CALN1: variants seen among roughly 807,000 people sequenced by gnomAD.
CALN1 encodes calcium-binding protein 8.
A neutral mutation model predicts 30.6 loss-of-function variants in CALN1; 17 were observed. The ratio of observed to expected loss-of-function variants is 0.56; its 90% confidence interval spans 0.38 to 0.83. The LOEUF is 0.83. Ranked by LOEUF, CALN1 falls within the 40% of genes least tolerant of loss-of-function variation. The probability of loss-of-function intolerance (pLI) is 0.00; values close to 1 mark genes in which losing one functional copy is unlikely to be tolerated. For synonymous variants in CALN1, 156 were observed against 131.4 expected (o/e 1.19, Z -1.28); for missense variants, 291 against 354.9 (o/e 0.82, Z 1.45).
intron 1 of CALN1, among the ~76,000 whole-genome samples, chr7:72,417,471 T>G (rs1282027998): frequency 6.6e-6 from 1 of 152,160 alleles, no homozygotes; most frequent in Non-Finnish European, 1.5e-5. Flanking sequence ...AAGCCTGGGG[T>G]GGCTTTCTAC....
At chr7:71,800,548 G>A (rs1245262330) in intron 6 of CALN1, among the ~76,000 whole-genome samples, 1 of 152,152 alleles carries the variant, frequency 6.6e-6, no homozygotes. Flanking sequence ...ATTCCATTTA[G>A]GGACAACACT....
chr7:72,201,506 G>T (rs10238798), intron 3 of CALN1, among the ~76,000 whole-genome samples: 1 of 151,732 alleles, frequency 6.6e-6, no homozygotes, highest in South Asian at 2.1e-4. Context: ...CAGGAGGATC[G>T]CTTGAACCTG....
chr7:72,497,398 C>T, the CALN1 span, among the ~76,000 whole-genome samples: 1 of 152,140 alleles, frequency 6.6e-6, no homozygotes, highest in Non-Finnish European at 1.5e-5. Flanking sequence ...TGAGATCACG[C>T]CACTGCACTC....
chr7:71,858,921 C>T (rs12534200), intron 5 of CALN1, among the ~76,000 whole-genome samples: 21,416 of 152,240 alleles, frequency 0.14, 1,927 homozygotes, highest in Middle Eastern at 0.24. Context: ...CGTCCTTAAC[C>T]TTGGCAAAAT....
intron 2 of CALN1, among the ~76,000 whole-genome samples, chr7:72,344,816 G>T (rs1405617342): frequency 2.0e-5 from 3 of 146,378 alleles, no homozygotes; most frequent in Non-Finnish European, 4.5e-5. Context: ...TGAAATCCAG[G>T]TTAAATATTA....
intron 5 of CALN1, among the ~76,000 whole-genome samples, chr7:71,932,484 A>G (rs1032092918): frequency 1.3e-5 from 2 of 152,096 alleles, no homozygotes; most frequent in African/African-American, 4.8e-5. Flanking sequence ...GGTTTAAACT[A>G]TATTAACTTG....
At chr7:72,004,071 G>A (rs2129528741) in intron 5 of CALN1, among the ~76,000 whole-genome samples, 1 of 152,310 alleles carries the variant, frequency 6.6e-6, no homozygotes, top group East Asian at 1.9e-4. Flanking sequence ...TCTTAGAAGA[G>A]TTAAAACAAT....
At chr7:71,889,966 GAA>G (rs66707559) in intron 5 of CALN1, among the ~76,000 whole-genome samples, 29 of 128,406 alleles carry the variant, frequency 2.3e-4, no homozygotes, top group East Asian at 1.9e-3. Context: ...CTCTGTCTCG[GAA>G]AAAAAAAAAA....
chr7:72,308,869 A>G (rs372071190), intron 2 of CALN1, among the ~76,000 whole-genome samples: 1 of 152,218 alleles, frequency 6.6e-6, no homozygotes, highest in African/African-American at 2.4e-5. Context: ...CCCATCTGGC[A>G]TGTATGCAAG....
intron 5 of CALN1, among the ~76,000 whole-genome samples, chr7:71,851,777 T>C (rs1488090102): frequency 7.9e-5 from 12 of 151,930 alleles, no homozygotes; most frequent in Admixed American, 6.6e-4. Context: ...AGAAATATAA[T>C]AGATGCAACT....
chr7:71,990,947 G>A (rs1050938546), intron 5 of CALN1, among the ~76,000 whole-genome samples: 2 of 151,554 alleles, frequency 1.3e-5, no homozygotes, highest in Non-Finnish European at 2.9e-5. Flanking sequence ...GAGTACTAAC[G>A]CAGAGGACCA....
intron 5 of CALN1, among the ~76,000 whole-genome samples, chr7:71,843,374 C>G (rs1790051706): frequency 6.6e-6 from 1 of 152,040 alleles, no homozygotes; most frequent in African/African-American, 2.4e-5. Flanking sequence ...ATCCTAGCGC[C>G]TTGGGAGGCT....
intron 4 of CALN1, among the ~76,000 whole-genome samples, chr7:72,049,344 A>C (rs1446495497): frequency 6.6e-6 from 1 of 152,200 alleles, no homozygotes; most frequent in African/African-American, 2.4e-5. Context: ...GAATACTAGA[A>C]GGTATAGTAA....
At chr7:71,966,937 G>T (rs1312172321) in intron 5 of CALN1, among the ~76,000 whole-genome samples, 2 of 152,172 alleles carry the variant, frequency 1.3e-5, no homozygotes, top group Admixed American at 1.3e-4. Context: ...AATTCTGTCA[G>T]AACAACAGAA....
chr7:72,222,291 G>T (rs567215688), intron 3 of CALN1, among the ~76,000 whole-genome samples: 2 of 152,270 alleles, frequency 1.3e-5, no homozygotes, highest in African/African-American at 4.8e-5. Flanking sequence ...GGCAATTCTG[G>T]AGCCTATACT....
intron 2 of CALN1, among the ~76,000 whole-genome samples, chr7:72,390,957 A>G (rs188949609): frequency 1.3e-3 from 197 of 152,294 alleles, no homozygotes; most frequent in African/African-American, 4.2e-3. Context: ...CCATGCACCA[A>G]AAGTACCCTT....
chr7:72,285,066 C>A (rs573885292), intron 2 of CALN1, among the ~76,000 whole-genome samples: 1 of 152,166 alleles, frequency 6.6e-6, no homozygotes, highest in East Asian at 1.9e-4. Context: ...TAGACCACTG[C>A]AAATTGCATA....
intron 5 of CALN1, among the ~76,000 whole-genome samples, chr7:71,954,112 C>T (rs1264818560): frequency 1.3e-5 from 2 of 152,076 alleles, no homozygotes; most frequent in Admixed American, 6.6e-5. Context: ...TTGCTTGAGG[C>T]TAGGAATTTG....
At chr7:72,260,316 G>A (rs1796180310) in intron 3 of CALN1, among the ~76,000 whole-genome samples, 1 of 152,158 alleles carries the variant, frequency 6.6e-6, no homozygotes, top group Admixed American at 6.5e-5. Context: ...GAACTCCTTT[G>A]ACAAACTCCG....
Sources: gnomAD v4.1 joint callset for allele counts (sites outside exome capture counted in the v4.1 genomes callset) on GRCh38, gnomAD v4.1.1 for gene constraint, MANE v1.5 for transcripts, NCBI Gene and HGNC (gene_info 2026-07-23, HGNC 2026-07-21) for gene names.